The following NCEH1 variants were observed in gnomAD, a reference collection of about 807,000 sequenced individuals.
The protein encoded by NCEH1 is neutral cholesterol ester hydrolase 1.
NCEH1 carries 9 observed loss-of-function variants against 25.4 expected under a neutral mutation model. That is an observed-to-expected ratio of 0.35 (90% CI 0.21 to 0.62). The LOEUF is 0.62. Ranked by LOEUF, NCEH1 falls within the 20% of genes least tolerant of loss-of-function variation. NCEH1 has a pLI of 0.72. For missense variants in NCEH1, 412 were observed against 501.1 expected, an observed-to-expected ratio of 0.82 and a Z score of 1.70; for synonymous variants, 200 against 199.8, an observed-to-expected ratio of 1.00 and a Z score of -0.01.
In NCEH1 at chr3:172,631,176, T is replaced by C. The variant is rs1016324777; in HGVS notation, c.*2299A>G. ...GAGCCTTTTAGAGATCCGGAATCAT[T>C]TGCTGTCTGCAATTACTATAGGCTT... On this transcript the variant is annotated 3_prime_UTR_variant, in exon 5 of 5. Coordinates refer to ENST00000475381, the MANE Select transcript of NCEH1 (RefSeq NM_020792.6). 6.6e-6 allele frequency: 1 copy of C among 152,216 alleles called. No homozygotes were observed. Among genetic ancestry groups the C allele is most frequent in the Non-Finnish European group, 1.5e-5 (1 of 68,030 alleles). The allele number at this position is 152,216 out of a possible 1,614,324, so 9.4% of individuals were successfully genotyped here.
chr3:172,698,488 A>T (rs1049556546), intron 1 of NCEH1, among the ~76,000 whole-genome samples: 2 of 152,200 alleles, frequency 1.3e-5, no homozygotes, highest in Non-Finnish European at 2.9e-5. Flanking sequence ...TAGATTTCAA[A>T]GTTTTCAAAG....
chr3:172,646,047 C>G (rs1468309698), intron 2 of NCEH1, among the ~76,000 whole-genome samples: 3 of 152,174 alleles, frequency 2.0e-5, no homozygotes, highest in African/African-American at 7.2e-5. Flanking sequence ...TAAGCAGTCT[C>G]TTCCTTAGAA....
At chr3:172,676,782 A>G (rs1306201128) in intron 1 of NCEH1, among the ~76,000 whole-genome samples, 1 of 151,854 alleles carries the variant, frequency 6.6e-6, no homozygotes, top group Non-Finnish European at 1.5e-5. Context: ...TGTCATTTAC[A>G]CCTCTCTTGG....
At chr3:172,654,476 G>C (rs1717600441) in intron 1 of NCEH1, among the ~76,000 whole-genome samples, 1 of 152,200 alleles carries the variant, frequency 6.6e-6, no homozygotes. Flanking sequence ...AATGTTTCTA[G>C]GGAAGCTGAG....
chr3:172,652,639 T>C (rs1040800265), intron 1 of NCEH1, among the ~76,000 whole-genome samples: 4 of 152,222 alleles, frequency 2.6e-5, no homozygotes, highest in Admixed American at 6.5e-5. Flanking sequence ...CCTGAGCTTA[T>C]GAAATCAGAT....
intron 1 of NCEH1, among the ~76,000 whole-genome samples, chr3:172,706,467 A>G (rs536726884): frequency 1.9e-4 from 28 of 147,560 alleles, no homozygotes; most frequent in Non-Finnish European, 4.1e-4. Context: ...TGAATTTACC[A>G]TTATTTAATC....
intron 4 of NCEH1, 54 bp downstream of exon 4, chr3:172,635,862 T>A: frequency 1.3e-6 from 2 of 1,546,194 alleles, no homozygotes; most frequent in South Asian, 2.3e-5. Context: ...GTTGGTCTGC[T>A]AGACCTTGTC....
Position 172,655,351 on chromosome 3 carries a change from G to A in NCEH1, c.139-7237C>T, listed in dbSNP as rs563861657. 5.3e-5 allele frequency among the ~76,000 whole-genome samples: 8 copies of A among 152,296 alleles called. No individual in the cohort carries two copies. The South Asian group carries it at 6.2e-4, about 12-fold the overall frequency. The stretch of plus-strand genomic sequence containing the variant: ...GTACTCATTACGCCTCAGTGGAACC[G>A]GACAGTAAAATCTGGTGGCGCACTG... On this transcript the variant is annotated intron_variant, in intron 1 of 4. Transcript: ENST00000475381.
chr3:172,694,439 A>T (rs1713249626), intron 1 of NCEH1, among the ~76,000 whole-genome samples: 1 of 151,914 alleles, frequency 6.6e-6, no homozygotes, highest in African/African-American at 2.4e-5. Flanking sequence ...ACTATTTAGT[A>T]CATCAGTAAT....
intron 1 of NCEH1, among the ~76,000 whole-genome samples, chr3:172,671,534 T>G (rs142743512): frequency 8.4e-6 from 1 of 119,022 alleles, no homozygotes; most frequent in Admixed American, 7.6e-5. Context: ...CACACATATA[T>G]AGATATATAT....
intron 1 of NCEH1, among the ~76,000 whole-genome samples, chr3:172,659,939 C>T (rs1432653383): frequency 1.1e-4 from 16 of 151,468 alleles, no homozygotes. Context: ...GAGAGGAGTT[C>T]TTGGTAAGGC....
intron 1 of NCEH1, among the ~76,000 whole-genome samples, chr3:172,697,970 AT>A (rs386398562): frequency 0.26 from 25,929 of 100,720 alleles, 929 homozygotes; most frequent in Middle Eastern, 0.3. Flanking sequence ...TAAAAGCAGA[AT>A]TTTTTTTTTT....
At chr3:172,694,319 T>C (rs758657876) in intron 1 of NCEH1, among the ~76,000 whole-genome samples, 3 of 152,184 alleles carry the variant, frequency 2.0e-5, no homozygotes, top group Non-Finnish European at 4.4e-5. Context: ...GTAAAATATG[T>C]TTCCACATTG....
chr3:172,672,506 A>AT (rs1173597832), intron 1 of NCEH1, among the ~76,000 whole-genome samples: 10 of 152,298 alleles, frequency 6.6e-5, no homozygotes, highest in African/African-American at 2.4e-4. Flanking sequence ...AGAGGCACTA[A>AT]TAGAACACTC....
intron 3 of NCEH1, among the ~76,000 whole-genome samples, chr3:172,638,276 CAAAAAAAAAAAAAAA>C (rs57018096): frequency 4.4e-5 from 1 of 22,576 alleles, no homozygotes; most frequent in African/African-American, 1.2e-4. Flanking sequence ...AGACTCTGTC[CAAAAAAAAAAAAAAA>C]AAAAAAAAAA....
chr3:172,688,089 C>A (rs1045598322), intron 1 of NCEH1, among the ~76,000 whole-genome samples: 1 of 151,862 alleles, frequency 6.6e-6, no homozygotes, highest in Non-Finnish European at 1.5e-5. Flanking sequence ...AAACCCAGCA[C>A]CTTGGGAGGC....
At chr3:172,651,585 G>C (rs1205893454) in intron 1 of NCEH1, among the ~76,000 whole-genome samples, 1 of 150,740 alleles carries the variant, frequency 6.6e-6, no homozygotes, top group African/African-American at 2.4e-5. Flanking sequence ...TTGAGGTAGA[G>C]TCTCGCTCTG....
intron 1 of NCEH1, among the ~76,000 whole-genome samples, chr3:172,688,194 G>C (rs1399910427): frequency 6.6e-6 from 1 of 151,930 alleles, no homozygotes; most frequent in East Asian, 1.9e-4. Context: ...AATTAGCGTG[G>C]TGGTGGGTGC....
intron 1 of NCEH1, among the ~76,000 whole-genome samples, chr3:172,675,075 C>T (rs748743431): frequency 4.9e-4 from 74 of 152,208 alleles, no homozygotes; most frequent in Admixed American, 2.4e-3. Flanking sequence ...CTTGGGAGGC[C>T]GAGGCGGGCG....
Sources: allele counts gnomAD v4.1 joint callset (sites outside exome capture counted in the v4.1 genomes callset), GRCh38; gene constraint gnomAD v4.1.1; transcripts MANE v1.5; gene names NCBI Gene and HGNC (gene_info 2026-07-23, HGNC 2026-07-21).